Variants in SPOCK3 observed in about 807,000 individuals in gnomAD.
SPOCK3 encodes testican-3.
Under a neutral mutation model 56.6 loss-of-function variants are expected in SPOCK3, and 30 were observed. That is an observed-to-expected ratio of 0.53 (90% CI 0.40 to 0.72). The LOEUF is 0.72. Ranked by LOEUF, SPOCK3 falls within the 30% of genes least tolerant of loss-of-function variation. SPOCK3 has a pLI of 0.00. For missense variants in SPOCK3, 527 were observed against 530.0 expected (o/e 0.99, Z 0.06); for synonymous variants, 196 against 183.3 (o/e 1.07, Z -0.56).
chr4:166,734,670 C>A lies in SPOCK3; in HGVS notation c.*251G>T. 3.0e-6 allele frequency: 1 copy of A among 328,462 alleles called. No homozygotes were observed. The highest frequency in any genetic ancestry group is 5.4e-6 in the Non-Finnish European group (1 of 183,720). 20.3% of individuals were successfully genotyped at this position (328,462 alleles called of 1,614,324 possible). A position where few individuals can be genotyped will look rare whatever the true frequency, so the allele number is the denominator to read the frequency against. Reference sequence around the variant, plus strand: ...TGAAAAACTTATTATAGTAGCACTTCAAAACTTTATTTTGTCTGACTAGAC... The same window carrying A: ...TGAAAAACTTATTATAGTAGCACTTAAAAACTTTATTTTGTCTGACTAGAC... On this transcript the variant is annotated 3_prime_UTR_variant, in exon 11 of 11. Transcript: ENST00000357545.
At chr4:166,921,995 A>G (rs1230810816) in intron 4 of SPOCK3, among the ~76,000 whole-genome samples, 1 of 152,178 alleles carries the variant, frequency 6.6e-6, no homozygotes, top group Non-Finnish European at 1.5e-5. Context: ...CGGGCTGCAC[A>G]GTAGGAGGTA....
chr4:166,911,836 T>C (rs563786773), intron 5 of SPOCK3, among the ~76,000 whole-genome samples: 1 of 152,132 alleles, frequency 6.6e-6, no homozygotes, highest in East Asian at 1.9e-4. Flanking sequence ...GCACCTGGCT[T>C]AATAGTTTAA....
At position 167,218,045 on chromosome 4, in the gene SPOCK3, C is replaced by T. The variant is rs570467059; in HGVS notation, c.189+15940G>A. Among the ~76,000 whole-genome samples, 11 of 152,064 alleles carry T rather than the reference C, an allele frequency of 7.2e-5. No individual in the cohort carries two copies. The East Asian group carries it at 1.9e-3, about 27-fold the overall frequency. ...GTTATGAAAGTCCAATAACTAAGAACAAACTTTTTTTAATTACAATTCCTA... is the reference window on the plus strand; with the variant it reads ...GTTATGAAAGTCCAATAACTAAGAATAAACTTTTTTTAATTACAATTCCTA... On this transcript the variant is annotated intron_variant, in intron 2 of 10. Coordinates refer to ENST00000357545, the MANE Select transcript of SPOCK3 (RefSeq NM_001040159.2).
chr4:166,985,497 C>T lies in SPOCK3; in HGVS notation c.350+14852G>A, dbSNP rs10007149. On this transcript the variant is annotated intron_variant, in intron 4 of 10. Coordinates refer to ENST00000357545, the MANE Select transcript of SPOCK3 (RefSeq NM_001040159.2). Reference sequence around the variant, plus strand: ...CACAGAAAACATGTCACTTTGTACTCATTATCTGTTTTTAGCAAACATTCA... The same window carrying T: ...CACAGAAAACATGTCACTTTGTACTTATTATCTGTTTTTAGCAAACATTCA... 4.5e-3 allele frequency among the ~76,000 whole-genome samples: 680 copies of T among 152,196 alleles called. 4 individuals are homozygous for T. Among genetic ancestry groups the T allele is most frequent in the African/African-American group, 0.016 (657 of 41,542 alleles).
At chr4:167,033,687 G>A (rs1752480633) in intron 3 of SPOCK3, among the ~76,000 whole-genome samples, 1 of 151,822 alleles carries the variant, frequency 6.6e-6, no homozygotes, top group South Asian at 2.1e-4. Context: ...GAATTAGGAT[G>A]CTCAGGGAAT....
chr4:166,986,595 G>A (rs903901816), intron 4 of SPOCK3, among the ~76,000 whole-genome samples: 3 of 152,082 alleles, frequency 2.0e-5, no homozygotes, highest in South Asian at 2.1e-4. Context: ...ATCCTGCGAT[G>A]TGTATCATCA....
chr4:166,735,065 A>G lies in SPOCK3; in HGVS notation c.1158T>C (p.Asp386=), dbSNP rs753372441. 35 of 1,604,884 alleles carry G rather than the reference A, an allele frequency of 2.2e-5. No homozygotes were observed. The East Asian group carries it at 7.7e-4, about 35-fold the overall frequency. The change falls in exon 11 of 11, where the codon GAT becomes GAC. Residue 386 remains aspartate (D), a synonymous_variant. Coordinates refer to ENST00000357545, the MANE Select transcript of SPOCK3 (RefSeq NM_001040159.2). ...ATTCATGAAAATCGCCACTAGCAAA[A>G]TCTCCGGAGATCTCAAAATCTATAG... The part of the protein sequence containing the change: ...DCAIDFEISG[D]FASGDFHEWT...
rs774142218 is a variant in SPOCK3, at chr4:166,734,384, A to G, written c.*537T>C. On this transcript the variant is annotated 3_prime_UTR_variant, in exon 11 of 11. Transcript: ENST00000357545. ...AAACACCACTATTAATGTAAACACAATTGAGGACTCTACAATTGTCACTTT... is the reference window on the plus strand; with the variant it reads ...AAACACCACTATTAATGTAAACACAGTTGAGGACTCTACAATTGTCACTTT... The G allele has an allele frequency of 6.6e-6, 1 of 151,984 alleles. No individual in the cohort carries two copies. Among genetic ancestry groups the G allele is most frequent in the Non-Finnish European group, 1.5e-5 (1 of 67,910 alleles). 9.4% of individuals were successfully genotyped at this position (151,984 alleles called of 1,614,324 possible).
chr4:166,961,342 C>A (rs1744128768), intron 4 of SPOCK3, among the ~76,000 whole-genome samples: 1 of 151,580 alleles, frequency 6.6e-6, no homozygotes, highest in Non-Finnish European at 1.5e-5. Flanking sequence ...TATAATCTAA[C>A]AGAGGATATG....
intron 3 of SPOCK3, among the ~76,000 whole-genome samples, chr4:167,038,346 G>T (rs1256287335): frequency 6.6e-6 from 1 of 152,160 alleles, no homozygotes; most frequent in East Asian, 1.9e-4. Context: ...GCTCACTTCA[G>T]ACATGGCATA....
intron 3 of SPOCK3, among the ~76,000 whole-genome samples, chr4:167,056,988 G>A (rs891735061): frequency 1.3e-4 from 20 of 152,078 alleles, no homozygotes; most frequent in Admixed American, 5.2e-4. Flanking sequence ...TAATTGTCAG[G>A]TTCACCAAAG....
chr4:166,957,935 G>T (rs764826758), intron 4 of SPOCK3, among the ~76,000 whole-genome samples: 3 of 152,118 alleles, frequency 2.0e-5, no homozygotes, highest in Non-Finnish European at 4.4e-5. Context: ...GCTGGAACAG[G>T]TGAAGAATTG....
intron 4 of SPOCK3, among the ~76,000 whole-genome samples, chr4:166,944,317 TACA>T (rs1453625101): frequency 2.0e-5 from 3 of 152,136 alleles, no homozygotes; most frequent in Non-Finnish European, 2.9e-5. Flanking sequence ...CTGTATTTCT[TACA>T]ACGACATATC....
At chr4:167,135,048 C>T (rs1301323336) in intron 2 of SPOCK3, among the ~76,000 whole-genome samples, 1 of 150,788 alleles carries the variant, frequency 6.6e-6, no homozygotes, top group African/African-American at 2.4e-5. Flanking sequence ...TTTTAAGATG[C>T]TGTTGGCTCA....
chr4:166,804,048 CTT>C (rs1284483846), intron 6 of SPOCK3, among the ~76,000 whole-genome samples: 5 of 152,030 alleles, frequency 3.3e-5, no homozygotes, highest in African/African-American at 4.8e-5. Context: ...GGTTCGAAGA[CTT>C]TTTTTATTGG....
At chr4:167,128,347 G>A (rs940968303) in intron 2 of SPOCK3, among the ~76,000 whole-genome samples, 1 of 152,078 alleles carries the variant, frequency 6.6e-6, no homozygotes, top group Non-Finnish European at 1.5e-5. Flanking sequence ...GGACCTCTCT[G>A]TAACATCTAA....
chr4:167,199,340 G>C (rs1490920020), intron 2 of SPOCK3, among the ~76,000 whole-genome samples: 1 of 151,666 alleles, frequency 6.6e-6, no homozygotes, highest in Non-Finnish European at 1.5e-5. Flanking sequence ...AGCTGCTGAT[G>C]GCTTATAGGT....
intron 8 of SPOCK3, among the ~76,000 whole-genome samples, chr4:166,744,164 G>T (rs1019266501): frequency 7.2e-5 from 11 of 152,166 alleles, no homozygotes; most frequent in Non-Finnish European, 1.6e-4. Flanking sequence ...CCTCAAGTGG[G>T]TCCCTGACCC....
intron 4 of SPOCK3, among the ~76,000 whole-genome samples, chr4:166,991,841 T>C (rs1277955906): frequency 6.6e-6 from 1 of 152,176 alleles, no homozygotes; most frequent in Non-Finnish European, 1.5e-5. Context: ...TGTCAATATT[T>C]AAACATATTT....
Sources: allele counts gnomAD v4.1 joint callset (sites outside exome capture counted in the v4.1 genomes callset), GRCh38; gene constraint gnomAD v4.1.1; transcripts MANE v1.5; gene names NCBI Gene and HGNC (gene_info 2026-07-23, HGNC 2026-07-21).